Variants in NAA11 observed in about 807,000 individuals in gnomAD.
The protein encoded by NAA11 is N-alpha-acetyltransferase 11.
NAA11 carries 15 observed loss-of-function variants against 16.1 expected under a neutral mutation model. That is an observed-to-expected ratio of 0.93 (90% confidence interval 0.62 to 1.44). The LOEUF (loss-of-function observed/expected upper bound fraction) is 1.44. Among genes scored for constraint, NAA11 ranks in the 40% most tolerant of loss-of-function variants. The pLI, the probability that NAA11 is intolerant of heterozygous loss-of-function variation, is 0.00. For missense variants in NAA11, 298 were observed against 291.3 expected (o/e 1.02, Z -0.17); for synonymous variants, 122 against 112.4 (o/e 1.09, Z -0.54).
At chr4:79,268,841 T>G in intron 2 of NAA11, among the ~76,000 whole-genome samples, 1 of 115,102 alleles carries the variant, frequency 8.7e-6, no homozygotes, top group Non-Finnish European at 1.8e-5. Context: ...CCCAATGCTA[T>G]CCCTCCCCCC....
chr4:79,227,564 A>T (rs1268972955), intron 2 of NAA11: 4 of 151,994 alleles, frequency 2.6e-5, no homozygotes, highest in Admixed American at 2.0e-4. Context: ...CAAGGAGAAG[A>T]GGATGTTGCA....
At chr4:79,262,361 A>C (rs1036831645) in intron 2 of NAA11, among the ~76,000 whole-genome samples, 1 of 152,204 alleles carries the variant, frequency 6.6e-6, no homozygotes, top group African/African-American at 2.4e-5. Context: ...TATTGCAAAC[A>C]AACAAATGTT....
At chr4:79,260,368 C>G (rs1388706652) in intron 2 of NAA11, among the ~76,000 whole-genome samples, 2 of 152,222 alleles carry the variant, frequency 1.3e-5, no homozygotes. Context: ...TATGCTGCCA[C>G]CACAGCTGCC....
the NAA11 span, among the ~76,000 whole-genome samples, chr4:79,181,883 ATCT>A: frequency 2.0e-5 from 3 of 152,196 alleles, no homozygotes; most frequent in African/African-American, 7.2e-5. Context: ...GTTGAAAATC[ATCT>A]TCTGATAGAC....
the NAA11 span, among the ~76,000 whole-genome samples, chr4:79,177,271 C>T: frequency 0.81 from 123,380 of 151,720 alleles, 52,574 homozygotes; most frequent in East Asian, 1. Context: ...ATTTTCTCTT[C>T]CCTTTGGGAG....
chr4:79,242,761 TG>T (rs1721725438), intron 2 of NAA11, among the ~76,000 whole-genome samples: 1 of 152,230 alleles, frequency 6.6e-6, no homozygotes, highest in African/African-American at 2.4e-5. Flanking sequence ...TTATCCACTT[TG>T]GGGTTCAGTT....
the NAA11 span, among the ~76,000 whole-genome samples, chr4:79,160,509 C>T: frequency 6.6e-6 from 1 of 152,192 alleles, no homozygotes; most frequent in Non-Finnish European, 1.5e-5. Flanking sequence ...TCTCCACATG[C>T]TCAACACTTG....
the NAA11 span, among the ~76,000 whole-genome samples, chr4:79,216,454 G>A: frequency 6.6e-6 from 1 of 151,850 alleles, no homozygotes; most frequent in Non-Finnish European, 1.5e-5. Context: ...TAGAGTCAAA[G>A]TTTATTTTTT....
At chr4:79,213,581 ATAGT>A in the NAA11 span, among the ~76,000 whole-genome samples, 12 of 152,264 alleles carry the variant, frequency 7.9e-5, 1 homozygote, top group African/African-American at 2.4e-4. Context: ...TGATTAAAAT[ATAGT>A]TAAACTCTTA....
chr4:79,303,417 G>A (rs1469413958), intron 1 of NAA11, among the ~76,000 whole-genome samples: 2 of 151,854 alleles, frequency 1.3e-5, no homozygotes, highest in Admixed American at 6.6e-5. Context: ...CTCCAAGGAA[G>A]CCTGGGACGA....
intron 2 of NAA11, among the ~76,000 whole-genome samples, chr4:79,245,725 T>G (rs7696482): frequency 0.88 from 132,934 of 150,836 alleles, 58,744 homozygotes; most frequent in East Asian, 1. Flanking sequence ...TCTGGGAGGT[T>G]GGGGGCGCCC....
At chr4:79,213,259 A>G in the NAA11 span, among the ~76,000 whole-genome samples, 1 of 152,168 alleles carries the variant, frequency 6.6e-6, no homozygotes, top group South Asian at 2.1e-4. Context: ...ATTTTGCTAC[A>G]TGCTGAAATA....
At chr4:79,305,865 C>T (rs1408988276) in intron 1 of NAA11, among the ~76,000 whole-genome samples, 1 of 152,080 alleles carries the variant, frequency 6.6e-6, no homozygotes, top group Non-Finnish European at 1.5e-5. Flanking sequence ...GTAATTTGTA[C>T]ATTTCTCTTA....
chr4:79,169,694 G>A, the NAA11 span, among the ~76,000 whole-genome samples: 1 of 152,288 alleles, frequency 6.6e-6, no homozygotes, highest in Middle Eastern at 3.4e-3. Flanking sequence ...CATGGGCAAA[G>A]AATGACTAAA....
the NAA11 span, among the ~76,000 whole-genome samples, chr4:79,159,915 A>T: frequency 2.6e-5 from 4 of 151,196 alleles, no homozygotes; most frequent in Non-Finnish European, 5.9e-5. Flanking sequence ...CTATTCAATT[A>T]TATGGATATA....
chr4:79,219,341 C>G, the NAA11 span, among the ~76,000 whole-genome samples: 1 of 152,152 alleles, frequency 6.6e-6, no homozygotes, highest in African/African-American at 2.4e-5. Context: ...CAGACTATAA[C>G]TGACCTAATT....
chr4:79,240,409 A>G (rs1489833639), intron 2 of NAA11, among the ~76,000 whole-genome samples: 1 of 152,196 alleles, frequency 6.6e-6, no homozygotes, highest in Non-Finnish European at 1.5e-5. Context: ...GCTTTGTGTT[A>G]GAGATCATTA....
chr4:79,316,028 C>A (rs2110013927), downstream of NAA11, among the ~76,000 whole-genome samples: 1 of 152,262 alleles, frequency 6.6e-6, no homozygotes, highest in African/African-American at 2.4e-5. Flanking sequence ...ATTGCTCCAA[C>A]TCCTATCAAG....
In NAA11 at chr4:79,276,622, G is replaced by T. The variant is rs141126943; in HGVS notation, c.*122+17383C>A. On this transcript the variant is annotated intron_variant and NMD_transcript_variant, in intron 2 of 2. Coordinates refer to the NAA11 transcript ENST00000511542. Reference sequence around the variant, plus strand: ...TTCATCCCCAAGTGGATGTGTGGTGGTATTGTGGTGGACCTTTACTGGACA... The same window carrying T: ...TTCATCCCCAAGTGGATGTGTGGTGTTATTGTGGTGGACCTTTACTGGACA... Among the ~76,000 whole-genome samples, 1,087 of 152,256 alleles carry T rather than the reference G, an allele frequency of 7.1e-3. 16 individuals are homozygous for T. The highest frequency in any genetic ancestry group is 0.025 in the African/African-American group (1,026 of 41,538).
Sources: gnomAD v4.1 joint callset for allele counts (sites outside exome capture counted in the v4.1 genomes callset) on GRCh38, gnomAD v4.1.1 for gene constraint, MANE v1.5 for transcripts, NCBI Gene and HGNC (gene_info 2026-07-23, HGNC 2026-07-21) for gene names.